The following ERC2 variants were observed in gnomAD, a reference collection of about 807,000 sequenced individuals.
ERC2 encodes the protein ELKS/RAB6-interacting/CAST family member 2, also known as ERC protein 2.
In ERC2, 42 loss-of-function variants were observed where a neutral mutation model predicts 114.8. That is an observed-to-expected ratio of 0.37 (90% CI 0.29 to 0.47). The LOEUF (loss-of-function observed/expected upper bound fraction) is 0.47. Among genes scored for constraint, ERC2 ranks in the 20% least tolerant of loss-of-function variants. The pLI is 0.99. For missense variants in ERC2, 939 were observed against 1,150.7 expected (o/e 0.82, Z 2.66); for synonymous variants, 454 against 425.5 (o/e 1.07, Z -0.82).
At chr3:56,430,282 G>C (rs1480163817) in intron 2 of ERC2, among the ~76,000 whole-genome samples, 1 of 152,116 alleles carries the variant, frequency 6.6e-6, no homozygotes, top group Non-Finnish European at 1.5e-5. Flanking sequence ...TATAGAAAAA[G>C]TTTCCATGAT....
intron 17 of ERC2, among the ~76,000 whole-genome samples, chr3:55,677,294 G>A (rs2148757984): frequency 6.6e-6 from 1 of 152,296 alleles, no homozygotes; most frequent in Admixed American, 6.5e-5. Flanking sequence ...AAAGGTAACT[G>A]GAGAGGGTAT....
intron 17 of ERC2, among the ~76,000 whole-genome samples, chr3:55,596,406 A>AC (rs1370721396): frequency 6.6e-6 from 1 of 151,758 alleles, no homozygotes; most frequent in Admixed American, 6.6e-5. Flanking sequence ...ACATAGTGAG[A>AC]CCCCATCTCT....
At chr3:56,217,439 A>C (rs1259899822) in intron 3 of ERC2, among the ~76,000 whole-genome samples, 2 of 152,200 alleles carry the variant, frequency 1.3e-5, no homozygotes, top group Non-Finnish European at 2.9e-5. Flanking sequence ...AAGGGATGTG[A>C]AGGACCTCTT....
At chr3:55,776,613 C>A (rs2068640373) in intron 14 of ERC2, among the ~76,000 whole-genome samples, 2 of 152,098 alleles carry the variant, frequency 1.3e-5, no homozygotes, top group South Asian at 4.1e-4. Flanking sequence ...CGGAAAGGGG[C>A]TGGGAAGGGT....
intron 14 of ERC2, among the ~76,000 whole-genome samples, chr3:55,743,534 C>G (rs995231986): frequency 6.7e-5 from 10 of 149,688 alleles, no homozygotes; most frequent in African/African-American, 2.5e-4. Context: ...GGACCATTGT[C>G]CCAGGTCTTG....
intron 12 of ERC2, among the ~76,000 whole-genome samples, chr3:55,975,852 A>G (rs923493494): frequency 1.3e-5 from 2 of 152,058 alleles, no homozygotes; most frequent in Non-Finnish European, 2.9e-5. Context: ...GCCATTGCTT[A>G]GGCTCCCCAT....
chr3:55,910,986 A>C (rs542504555), intron 13 of ERC2, among the ~76,000 whole-genome samples: 2 of 152,328 alleles, frequency 1.3e-5, no homozygotes, highest in African/African-American at 4.8e-5. Flanking sequence ...CCCTGCACTC[A>C]TGGTGCTCAT....
intron 17 of ERC2, among the ~76,000 whole-genome samples, chr3:55,649,387 A>T (rs2060521948): frequency 6.6e-6 from 1 of 151,294 alleles, no homozygotes; most frequent in African/African-American, 2.4e-5. Flanking sequence ...CAGCCTCCCG[A>T]GTAGCTGGGA....
intron 3 of ERC2, among the ~76,000 whole-genome samples, chr3:56,219,234 A>C (rs1252123720): frequency 6.6e-6 from 1 of 152,120 alleles, no homozygotes; most frequent in Non-Finnish European, 1.5e-5. Flanking sequence ...CCACTAAAGA[A>C]CTTACTCATG....
intron 3 of ERC2, among the ~76,000 whole-genome samples, chr3:56,177,483 GCAATGGTA>G (rs2083043880): frequency 6.6e-6 from 1 of 152,198 alleles, no homozygotes; most frequent in Admixed American, 6.5e-5. Context: ...ATCATGAAGT[GCAATGGTA>G]CTTAAATTTT....
At chr3:55,842,453 G>C (rs2061173968) in intron 14 of ERC2, among the ~76,000 whole-genome samples, 1 of 152,156 alleles carries the variant, frequency 6.6e-6, no homozygotes. Context: ...CTATTTAAGA[G>C]TGGAGGGGTT....
chr3:56,355,479 G>A (rs986183137), intron 2 of ERC2, among the ~76,000 whole-genome samples: 1 of 151,716 alleles, frequency 6.6e-6, no homozygotes, highest in African/African-American at 2.4e-5. Flanking sequence ...CATCATGCTC[G>A]GATAATTTTT....
At chr3:55,604,218 T>C (rs1219579464) in intron 17 of ERC2, among the ~76,000 whole-genome samples, 1 of 152,108 alleles carries the variant, frequency 6.6e-6, no homozygotes, top group Non-Finnish European at 1.5e-5. Context: ...GTGAAGTCAG[T>C]GTGTGAGGGA....
chr3:56,283,213 C>T (rs889945691), intron 3 of ERC2, among the ~76,000 whole-genome samples: 1 of 152,234 alleles, frequency 6.6e-6, no homozygotes, highest in African/African-American at 2.4e-5. Flanking sequence ...TCCTTTAAAG[C>T]AGCTAAAGCT....
At chr3:56,405,139 G>T (rs1367716728) in intron 2 of ERC2, among the ~76,000 whole-genome samples, 2 of 152,066 alleles carry the variant, frequency 1.3e-5, no homozygotes, top group Non-Finnish European at 2.9e-5. Flanking sequence ...ATTTGATGAT[G>T]AAAAGAAAAA....
At chr3:55,899,492 C>T (rs1034026792) in intron 13 of ERC2, among the ~76,000 whole-genome samples, 9 of 151,888 alleles carry the variant, frequency 5.9e-5, no homozygotes, top group East Asian at 1.9e-4. Context: ...TTATGGAATA[C>T]GTGTGTGAGT....
At chr3:56,416,609 T>A (rs1220580393) in intron 2 of ERC2, among the ~76,000 whole-genome samples, 1 of 134,506 alleles carries the variant, frequency 7.4e-6, no homozygotes. Flanking sequence ...ACCTCCCTAC[T>A]CAACAACACC....
At chr3:55,557,806 C>A (rs2055725031) in intron 17 of ERC2, among the ~76,000 whole-genome samples, 1 of 152,240 alleles carries the variant, frequency 6.6e-6, no homozygotes, top group Admixed American at 6.5e-5. Flanking sequence ...TTCTCTCTGT[C>A]TGGAACACCA....
chr3:55,784,092 C>T (rs1241954203), intron 14 of ERC2, among the ~76,000 whole-genome samples: 1 of 152,152 alleles, frequency 6.6e-6, no homozygotes, highest in South Asian at 2.1e-4. Flanking sequence ...CAGAAATGGG[C>T]TAAGGCTTTT....
Sources: gnomAD v4.1 joint callset for allele counts (sites outside exome capture counted in the v4.1 genomes callset) on GRCh38, gnomAD v4.1.1 for gene constraint, MANE v1.5 for transcripts, NCBI Gene and HGNC (gene_info 2026-07-23, HGNC 2026-07-21) for gene names.